SH3BGRL2: variants seen among roughly 807,000 people sequenced by gnomAD.
The protein encoded by SH3BGRL2 is SH3 domain-binding glutamic acid-rich-like protein 2.
A neutral mutation model predicts 14.8 loss-of-function variants in SH3BGRL2; 21 were observed. The ratio of observed to expected loss-of-function variants is 1.42; its 90% CI spans 1.01 to 2.05. The LOEUF (loss-of-function observed/expected upper bound fraction) is 2.05, where lower values mean the gene tolerates loss of function less well. Ranked by LOEUF, SH3BGRL2 falls within the 30% of genes most tolerant of loss-of-function variation. SH3BGRL2 has a pLI of 0.00. For missense variants in SH3BGRL2, 147 were observed against 130.8 expected (o/e 1.12, Z -0.61); for synonymous variants, 50 against 47.8 (o/e 1.05, Z -0.19).
chr6:79,651,525 T>A lies in SH3BGRL2; in HGVS notation c.45+20019T>A, dbSNP rs192934904. 4.8e-3 allele frequency among the ~76,000 whole-genome samples: 736 copies of A among 152,354 alleles called. 5 individuals are homozygous for A. Among genetic ancestry groups the A allele is most frequent in the Non-Finnish European group, 7.3e-3 (495 of 68,026 alleles). ...ATCACTAAGTATTAAGGTTTCTTTT[T>A]TTAATGCAGACTAAAAGTAGTTTGT... On this transcript the variant is annotated intron_variant, in intron 1 of 3. Coordinates refer to ENST00000369838, the MANE Select transcript of SH3BGRL2 (RefSeq NM_031469.4).
At chr6:79,667,908 C>T (rs946608071) in intron 1 of SH3BGRL2, among the ~76,000 whole-genome samples, 6 of 152,104 alleles carry the variant, frequency 3.9e-5, no homozygotes, top group Non-Finnish European at 5.9e-5. Flanking sequence ...CACCTCCCCC[C>T]AGTTTTCCTC....
At chr6:79,612,728 A>G in the SH3BGRL2 span, among the ~76,000 whole-genome samples, 1 of 152,164 alleles carries the variant, frequency 6.6e-6, no homozygotes, top group Admixed American at 6.6e-5. Flanking sequence ...GCTCACATCA[A>G]CTGAAAGCAG....
the SH3BGRL2 span, among the ~76,000 whole-genome samples, chr6:79,589,762 G>A: frequency 1.3e-5 from 2 of 151,976 alleles, no homozygotes; most frequent in African/African-American, 4.8e-5. Flanking sequence ...ATATATATTT[G>A]TTTTGTTTCA....
chr6:79,604,627 T>C, the SH3BGRL2 span, among the ~76,000 whole-genome samples: 12 of 152,204 alleles, frequency 7.9e-5, no homozygotes, highest in African/African-American at 2.9e-4. Context: ...GGGCCCCAGT[T>C]GTGCACAGTA....
At chr6:79,612,296 G>C in the SH3BGRL2 span, among the ~76,000 whole-genome samples, 1 of 152,118 alleles carries the variant, frequency 6.6e-6, no homozygotes, top group Non-Finnish European at 1.5e-5. Flanking sequence ...GTGAGACTCT[G>C]TCTCAAAACA....
chr6:79,673,475 T>C, intron 1 of SH3BGRL2, 139 bp from the exon 2 acceptor site: 1 of 733,396 alleles, frequency 1.4e-6, no homozygotes, highest in Non-Finnish European at 2.2e-6. Context: ...ACTGGATATC[T>C]AGTGAGTGGA....
At chr6:79,645,109 G>A (rs1477670330) in intron 1 of SH3BGRL2, among the ~76,000 whole-genome samples, 1 of 145,984 alleles carries the variant, frequency 6.9e-6, no homozygotes, top group East Asian at 2.1e-4. Flanking sequence ...GTTGCAGTGA[G>A]CTGAGATTGC....
intron 1 of SH3BGRL2, among the ~76,000 whole-genome samples, chr6:79,670,725 G>T (rs1476100005): frequency 6.6e-6 from 1 of 152,140 alleles, no homozygotes; most frequent in African/African-American, 2.4e-5. Flanking sequence ...GACTGGGGTG[G>T]CAGCTACAAA....
chr6:79,606,093 G>T, the SH3BGRL2 span, among the ~76,000 whole-genome samples: 1 of 152,138 alleles, frequency 6.6e-6, no homozygotes. Flanking sequence ...GGGCAAAAAG[G>T]CTCTTTCTAG....
At chr6:79,673,990 C>G (rs948041035) in intron 2 of SH3BGRL2, among the ~76,000 whole-genome samples, 191 bp downstream of exon 2, 1 of 151,672 alleles carries the variant, frequency 6.6e-6, no homozygotes, top group African/African-American at 2.4e-5. Flanking sequence ...TATGTATGTG[C>G]GAGGGTTGTG....
chr6:79,621,440 A>G, the SH3BGRL2 span, among the ~76,000 whole-genome samples: 1 of 152,220 alleles, frequency 6.6e-6, no homozygotes, highest in South Asian at 2.1e-4. Context: ...GGTGCCATCT[A>G]TGAACCAGGA....
At chr6:79,693,276 C>G (rs1252257212) in intron 2 of SH3BGRL2, among the ~76,000 whole-genome samples, 3 of 152,060 alleles carry the variant, frequency 2.0e-5, no homozygotes, top group Non-Finnish European at 4.4e-5. Context: ...ATGGGGTTTT[C>G]TAGATATACA....
At chr6:79,571,313 T>G in the SH3BGRL2 span, among the ~76,000 whole-genome samples, 1 of 152,212 alleles carries the variant, frequency 6.6e-6, no homozygotes, top group Non-Finnish European at 1.5e-5. Context: ...AAAACCATCT[T>G]ACATTGTAAA....
At chr6:79,545,393 CTT>C in the SH3BGRL2 span, among the ~76,000 whole-genome samples, 1 of 152,174 alleles carries the variant, frequency 6.6e-6, no homozygotes, top group Non-Finnish European at 1.5e-5. Context: ...ACTCAGGTGA[CTT>C]TTCCCAGTAC....
the SH3BGRL2 span, among the ~76,000 whole-genome samples, chr6:79,566,373 T>C: frequency 2.0e-5 from 3 of 152,186 alleles, no homozygotes; most frequent in African/African-American, 7.2e-5. Context: ...CTTCAAGTTC[T>C]CAGGCTGAGA....
intron 2 of SH3BGRL2, among the ~76,000 whole-genome samples, chr6:79,679,579 T>C (rs1769951000): frequency 6.6e-6 from 1 of 152,188 alleles, no homozygotes; most frequent in Non-Finnish European, 1.5e-5. Context: ...ATAGTTTCTT[T>C]TAAATATATA....
the SH3BGRL2 span, among the ~76,000 whole-genome samples, chr6:79,604,053 C>T: frequency 2.6e-5 from 4 of 152,168 alleles, no homozygotes; most frequent in East Asian, 7.7e-4. Flanking sequence ...GTTCTACCTG[C>T]CTCGGCCTCC....
At chr6:79,632,240 T>C (rs956804110) in intron 1 of SH3BGRL2, among the ~76,000 whole-genome samples, 2 of 152,308 alleles carry the variant, frequency 1.3e-5, no homozygotes, top group Middle Eastern at 3.4e-3. Flanking sequence ...TTGGTGGATG[T>C]TCTTGAATTT....
intron 3 of SH3BGRL2, 68 bp downstream of exon 3, chr6:79,696,633 G>T: frequency 8.2e-7 from 1 of 1,213,128 alleles, no homozygotes; most frequent in Admixed American, 2.6e-5. Context: ...GAGATGTAGA[G>T]TGACGGTGTT....
Sources: allele counts gnomAD v4.1 joint callset (sites outside exome capture counted in the v4.1 genomes callset), GRCh38; gene constraint gnomAD v4.1.1; transcripts MANE v1.5; gene names NCBI Gene and HGNC (gene_info 2026-07-23, HGNC 2026-07-21).